The following HEPH variants were observed in gnomAD, a reference collection of about 807,000 sequenced individuals.
HEPH encodes the protein hephaestin.
Under a neutral mutation model 80.8 loss-of-function variants are expected in HEPH, and 69 were observed. The ratio of observed to expected loss-of-function variants is 0.85; its 90% CI spans 0.70 to 1.04. The LOEUF is 1.04. HEPH is among the 50% of genes least tolerant of loss of function. HEPH has a pLI of 0.00. For synonymous variants in HEPH, 431 were observed against 322.8 expected (o/e 1.34, Z -3.60); for missense variants, 1,115 against 891.3 (o/e 1.25, Z -3.20).
intron 17 of HEPH, among the ~76,000 whole-genome samples, chrX:66,258,586 A>G (rs2091256232): frequency 9.0e-6 from 1 of 111,483 alleles, no homozygotes; most frequent in Non-Finnish European, 1.9e-5. Flanking sequence ...TTGGAGCAGG[A>G]GAGAGTAATT....
At chrX:66,233,999 A>T (rs926054020) in intron 15 of HEPH, among the ~76,000 whole-genome samples, 1 of 111,260 alleles carries the variant, frequency 9.0e-6, no homozygotes, top group African/African-American at 3.3e-5. Flanking sequence ...ACAGACTATT[A>T]TCTCACTGAG....
chrX:66,247,269 TCTC>T (rs1399178289), intron 15 of HEPH, among the ~76,000 whole-genome samples: 4 of 109,058 alleles, frequency 3.7e-5, no homozygotes, highest in Non-Finnish European at 7.6e-5. Flanking sequence ...CTCCTTTCTC[TCTC>T]CTCCTTCTTT....
intron 15 of HEPH, among the ~76,000 whole-genome samples, chrX:66,218,616 G>A (rs1012701621): frequency 1.8e-5 from 2 of 111,593 alleles, no homozygotes; most frequent in African/African-American, 6.5e-5. Flanking sequence ...GGCTTTATTC[G>A]ACTGAGAGCT....
At chrX:66,162,892 G>A, upstream of HEPH, 1 of 1,149,089 alleles carries the variant, frequency 8.7e-7, no homozygotes, top group Non-Finnish European at 1.2e-6. Context: ...AATATCAGGT[G>A]GTGGAACCCC....
intron 15 of HEPH, among the ~76,000 whole-genome samples, chrX:66,240,281 T>C (rs919060626): frequency 7.2e-5 from 8 of 111,011 alleles, no homozygotes; most frequent in African/African-American, 2.3e-4. Context: ...GATATGTCGA[T>C]AAAACTCGTC....
At chrX:66,179,017 G>C (rs2086959739) in intron 4 of HEPH, among the ~76,000 whole-genome samples, 1 of 111,542 alleles carries the variant, frequency 9.0e-6, no homozygotes, top group South Asian at 3.8e-4. Flanking sequence ...TGAAGTCCTT[G>C]CCCATGCCTA....
At chrX:66,243,655 A>G (rs1068536) in intron 15 of HEPH, among the ~76,000 whole-genome samples, 42,451 of 112,121 alleles carry the variant, frequency 0.38, 9,385 homozygotes, top group African/African-American at 0.86. Flanking sequence ...GGGGCATTTA[A>G]CCAGTTTACA....
chrX:66,245,897 A>G (rs1381232103), intron 15 of HEPH, among the ~76,000 whole-genome samples: 3 of 112,520 alleles, frequency 2.7e-5, no homozygotes, highest in Admixed American at 9.4e-5. Flanking sequence ...CTTGGTGTTT[A>G]AATAACTCCC....
downstream of HEPH, chrX:66,267,538 C>G (rs1223692397): frequency 1.8e-5 from 2 of 111,175 alleles, no homozygotes; most frequent in Non-Finnish European, 3.8e-5. Context: ...GGAAGCTGTT[C>G]CAGAGGAAGC....
rs1176508451 is a variant in HEPH at position 66,203,486 on chromosome X, A to G, written c.2200A>G (p.Ile734Val). 2 of 1,209,744 alleles carry G rather than the reference A, an allele frequency of 1.7e-6. No homozygotes were observed. Among genetic ancestry groups the G allele is most frequent in the Admixed American group, 4.4e-5 (2 of 45,794 alleles). Residue 734 changes from isoleucine to valine, a missense_variant, in exon 13 of 21, where the codon ATC becomes GTC. Physicochemically the swap from Ile to Val is conservative, Grantham distance 29. Coordinates refer to ENST00000343002, the MANE Select transcript of HEPH (RefSeq NM_001367233.3). Reference protein sequence around the residue: ...TPRQRYQAARIYYIMAEEVEW... With the variant: ...TPRQRYQAARVYYIMAEEVEW... ...TCGCCAACGCTACCAAGCTGCAAGAATCTACTATATCATGGCAGAAGAAGT... is the reference window on the plus strand; with the variant it reads ...TCGCCAACGCTACCAAGCTGCAAGAGTCTACTATATCATGGCAGAAGAAGT...
chrX:66,171,142 A>G (rs1353668773), intron 2 of HEPH: 1 of 322,075 alleles, frequency 3.1e-6, no homozygotes, highest in African/African-American at 2.7e-5. Context: ...TGAAAATGTG[A>G]AAAAAGAAAG....
chrX:66,177,304 ATTC>A (rs1422521405), intron 4 of HEPH, among the ~76,000 whole-genome samples: 1 of 111,545 alleles, frequency 9.0e-6, no homozygotes, highest in African/African-American at 3.3e-5. Context: ...ATTGGTACCA[ATTC>A]TTCTTTGAAT....
intron 12 of HEPH, 44 bp downstream of exon 12, chrX:66,200,796 G>C (rs371827120): frequency 7.9e-5 from 84 of 1,059,661 alleles, no homozygotes; most frequent in Non-Finnish European, 1.0e-4. Flanking sequence ...GTTGGGTATA[G>C]GGCCAGGAAT....
rs199551872 is a variant in HEPH, at chrX:66,224,709, T to C, written c.2563+16463T>C. Among the ~76,000 whole-genome samples, 6 of 112,234 alleles carry C rather than the reference T, an allele frequency of 5.3e-5. No homozygotes were observed. The East Asian group carries it at 1.7e-3, about 31-fold the overall frequency. ...CTTGTTTACACTGACAACAAAGTGG[T>C]ATTGGAGTGTTATAGGGTTACAGAG... On this transcript the variant is annotated intron_variant, in intron 15 of 20. Transcript: ENST00000343002.
chrX:66,266,234 T>C (rs1424366542), intron 20 of HEPH, among the ~76,000 whole-genome samples: 8 of 111,062 alleles, frequency 7.2e-5, no homozygotes, highest in Admixed American at 6.7e-4. Context: ...CCTCAGTGAT[T>C]CTCAAGGACC....
In HEPH at chrX:66,255,107, C is replaced by T; in HGVS notation, c.2636C>T (p.Ser879Phe). 1 of 1,206,432 alleles carries T rather than the reference C, an allele frequency of 8.3e-7. No homozygotes were observed. Among genetic ancestry groups the T allele is most frequent in the East Asian group, 3.0e-5 (1 of 33,699 alleles). ...GGGCCCAATGACTCTGCTTGTGTTT[C>T]CTGGATCTATTATTCTGCAGTGGAT... ...GPGPNDSACV[S>F]WIYYSAVDPI... is the part of the protein sequence containing the mutation. The change falls in exon 16 of 21, where the codon TCC becomes TTC. Residue 879 changes from serine (S) to phenylalanine (F), a missense_variant. Coordinates refer to ENST00000343002, the MANE Select transcript of HEPH (RefSeq NM_001367233.3).
At chrX:66,175,143 A>C (rs1238088024) in intron 4 of HEPH, among the ~76,000 whole-genome samples, 2 of 112,101 alleles carry the variant, frequency 1.8e-5, no homozygotes, top group African/African-American at 6.5e-5. Flanking sequence ...TTATAGTTTC[A>C]GGTTTTAGAT....
intron 19 of HEPH, among the ~76,000 whole-genome samples, chrX:66,261,670 G>A (rs1456804): frequency 0.62 from 68,106 of 109,693 alleles, 18,374 homozygotes; most frequent in East Asian, 1. Flanking sequence ...TTGAATATTC[G>A]TACAGACTTA....
intron 5 of HEPH, among the ~76,000 whole-genome samples, 165 bp downstream of exon 5, chrX:66,188,706 G>A (rs1378385394): frequency 3.6e-5 from 4 of 112,205 alleles, no homozygotes; most frequent in Non-Finnish European, 7.5e-5. Context: ...AGGACACTGA[G>A]GCTCCTAAGA....
Sources: allele counts gnomAD v4.1 joint callset (sites outside exome capture counted in the v4.1 genomes callset), GRCh38; gene constraint gnomAD v4.1.1; transcripts MANE v1.5; gene names NCBI Gene and HGNC (gene_info 2026-07-23, HGNC 2026-07-21).